SYPL1: variants seen among roughly 807,000 people sequenced by gnomAD.
The protein encoded by SYPL1 is synaptophysin like 1, also known as synaptophysin-like protein 1.
In SYPL1, 6 loss-of-function variants were observed where a neutral mutation model predicts 23.7. That is an observed-to-expected ratio of 0.25 (90% CI 0.14 to 0.50). The LOEUF is 0.50. Ranked by LOEUF, SYPL1 falls within the 20% of genes least tolerant of loss-of-function variation. The pLI is 0.98. For missense variants in SYPL1, 253 were observed against 288.9 expected (o/e 0.88, Z 0.90); for synonymous variants, 102 against 104.5 (o/e 0.98, Z 0.15).
chr7:106,108,698 G>T (rs1840747846), intron 1 of SYPL1, among the ~76,000 whole-genome samples: 1 of 152,114 alleles, frequency 6.6e-6, no homozygotes, highest in South Asian at 2.1e-4. Flanking sequence ...ATAGTTGGTT[G>T]AGCTTTCTTC....
chr7:106,097,079 G>T lies in SYPL1; in HGVS notation c.402+611C>A, dbSNP rs1840050939. ...AAATACACAAAAAGTAACTGAGTAT[G>T]GTGGCTTGTGACTGTAGTCCCAGCT... On this transcript the variant is annotated intron_variant, in intron 3 of 4. Transcript: ENST00000455385. The surrounding 1 kb of genome is among the most constrained non-coding windows in gnomAD (Gnocchi z 4.6). 6.6e-6 allele frequency among the ~76,000 whole-genome samples: 1 copy of T among 152,160 alleles called. No homozygotes were observed.
chr7:106,093,138 C>A lies in SYPL1; in HGVS notation c.403-1G>T. The A allele has an allele frequency of 6.3e-7, 1 of 1,589,484 alleles. No homozygotes were observed. Among genetic ancestry groups the A allele is most frequent in the Non-Finnish European group, 8.5e-7 (1 of 1,170,818 alleles). On this transcript the variant is annotated splice_acceptor_variant, in intron 3 of 4. Transcript: ENST00000455385. LOFTEE classifies it high-confidence loss of function. ...TGGCAACAAGTGTAACAACAAAGTCCTAAAGCAAAAATCAGTAAGAGTTAA... is the reference window on the plus strand; with the variant it reads ...TGGCAACAAGTGTAACAACAAAGTCATAAAGCAAAAATCAGTAAGAGTTAA...
intron 1 of SYPL1, among the ~76,000 whole-genome samples, chr7:106,101,483 G>A (rs1840319489): frequency 8.6e-6 from 1 of 115,608 alleles, no homozygotes; most frequent in African/African-American, 3.5e-5. Flanking sequence ...AAAGATACAT[G>A]AAAAGAATCT....
intron 1 of SYPL1, among the ~76,000 whole-genome samples, chr7:106,108,827 C>T (rs1789996103): frequency 1.3e-5 from 2 of 152,094 alleles, no homozygotes; most frequent in South Asian, 2.1e-4. Context: ...TCTGTGGACC[C>T]CTGAAAGCTC....
In SYPL1 at chr7:106,103,391, C is replaced by T. The variant is rs147108208; in HGVS notation, c.70-4109G>A. Among the ~76,000 whole-genome samples the T allele has an allele frequency of 2.6e-5, 4 of 152,268 alleles. No homozygotes were observed. The East Asian group carries it at 7.7e-4, about 29-fold the overall frequency. On this transcript the variant is annotated intron_variant, in intron 1 of 4. Transcript: ENST00000455385. ...CATTACACCTGCCACTATTTTTGTTCAGGCCCTCACCATTTTTCATTGGGA... is the reference window on the plus strand; with the variant it reads ...CATTACACCTGCCACTATTTTTGTTTAGGCCCTCACCATTTTTCATTGGGA...
At chr7:106,102,304 A>G (rs176495) in intron 1 of SYPL1, among the ~76,000 whole-genome samples, 149,859 of 152,308 alleles carry the variant, frequency 0.98, 73,725 homozygotes, top group East Asian at 1. Flanking sequence ...CCATGTTGGT[A>G]AGGCCAGTCT....
At chr7:106,107,923 G>A (rs890620809) in intron 1 of SYPL1, among the ~76,000 whole-genome samples, 1 of 151,716 alleles carries the variant, frequency 6.6e-6, no homozygotes, top group Non-Finnish European at 1.5e-5. Context: ...AGCCAGGCGC[G>A]GTGGCTCATG....
At chr7:106,105,085 T>C (rs1020763545) in intron 1 of SYPL1, among the ~76,000 whole-genome samples, 1 of 152,232 alleles carries the variant, frequency 6.6e-6, no homozygotes, top group Non-Finnish European at 1.5e-5. Context: ...ATGTCACTTA[T>C]GGCAGAGTAT....
In SYPL1 at chr7:106,097,760, C is replaced by T; in HGVS notation, c.332G>A (p.Cys111Tyr). ...VTFAVFVFLY[C>Y]IAALLLYVGY... is the part of the protein sequence containing the mutation. ...AACATAAAGCAGAAGGGCAGCAATG[C>T]AGTACAGGAACACAAAGACTGCAAA... Residue 111 changes from cysteine (C) to tyrosine (Y), a missense_variant, in exon 3 of 5, where the codon TGC becomes TAC. Physicochemically the swap from Cys to Tyr is radical, Grantham distance 194 (BLOSUM62 -2). Coordinates refer to ENST00000455385, the MANE Select transcript of SYPL1 (RefSeq NM_182715.4). This position sits in a 1 kb window ranked among gnomAD's most constrained non-coding sequence, Gnocchi z 4.6. 6.2e-7 allele frequency: 1 copy of T among 1,614,008 alleles called. No homozygotes were observed. Among genetic ancestry groups the T allele is most frequent in the Non-Finnish European group, 8.5e-7 (1 of 1,179,952 alleles).
At chr7:106,092,076 T>A in intron 4 of SYPL1, 137 bp from the exon 5 acceptor site, 1 of 790,038 alleles carries the variant, frequency 1.3e-6, no homozygotes, top group Non-Finnish European at 1.9e-6. Context: ...AGTTTAATAC[T>A]ACACACAATG....
chr7:106,105,958 C>A (rs1203163357), intron 1 of SYPL1, among the ~76,000 whole-genome samples: 1 of 152,116 alleles, frequency 6.6e-6, no homozygotes, highest in Non-Finnish European at 1.5e-5. Flanking sequence ...AGATTGGTAA[C>A]ACACACACTC....
In SYPL1 at chr7:106,095,688, T is replaced by A. The variant is rs1055290344; in HGVS notation, c.402+2002A>T. Among the ~76,000 whole-genome samples, 18 of 152,142 alleles carry A rather than the reference T, an allele frequency of 1.2e-4. No individual in the cohort carries two copies. The highest frequency in any genetic ancestry group is 2.2e-4 in the Non-Finnish European group (15 of 68,028). ...ATCTTTTAATATTTTTATGGTTACA[T>A]TAAAAATAGAACTGAAAATTAAATT... On this transcript the variant is annotated intron_variant, in intron 3 of 4. Transcript: ENST00000455385. This position sits in a 1 kb window ranked among gnomAD's most constrained non-coding sequence, Gnocchi z 4.3.
At chr7:106,098,490 A>C (rs1840143949) in intron 2 of SYPL1, among the ~76,000 whole-genome samples, 1 of 152,210 alleles carries the variant, frequency 6.6e-6, no homozygotes, top group African/African-American at 2.4e-5. Context: ...TTAATCATCA[A>C]AACAGCCTTA....
rs10281998 is a variant in SYPL1 at position 106,100,113 on chromosome 7, A to T, written c.70-831T>A. Among the ~76,000 whole-genome samples, 1 of 152,180 alleles carries T rather than the reference A, an allele frequency of 6.6e-6. No individual in the cohort carries two copies. The highest frequency in any genetic ancestry group is 2.4e-5 in the African/African-American group (1 of 41,412). Reference sequence around the variant, plus strand: ...AAGTTACCAGTAATTTGTAAAGCCAAGAGGTTGTCAGCAGAGAAGAGACAC... The same window carrying T: ...AAGTTACCAGTAATTTGTAAAGCCATGAGGTTGTCAGCAGAGAAGAGACAC... On this transcript the variant is annotated intron_variant, in intron 1 of 4. Coordinates refer to ENST00000455385, the MANE Select transcript of SYPL1 (RefSeq NM_182715.4). The surrounding 1 kb of genome is among the most constrained non-coding windows in gnomAD (Gnocchi z 5.1).
intron 1 of SYPL1, 79 bp from the exon 2 acceptor site, chr7:106,099,361 T>C: frequency 6.8e-6 from 10 of 1,468,716 alleles, no homozygotes. Flanking sequence ...TCACTAAAAC[T>C]GTAAGCACAC....
chr7:106,112,324 TCGGAGGCGGGCC>T (rs1790213182), upstream of SYPL1: 2 of 1,246,928 alleles, frequency 1.6e-6, no homozygotes, highest in South Asian at 5.6e-5. Flanking sequence ...CTGGCCGGGC[TCGGAGGCGGGCC>T]CGGGCGGCCG....
At chr7:106,094,677 G>A (rs997008070) in intron 3 of SYPL1, among the ~76,000 whole-genome samples, 6 of 152,106 alleles carry the variant, frequency 3.9e-5, no homozygotes, top group African/African-American at 1.4e-4. Context: ...GTAACATGAG[G>A]TTATATCGCA....
chr7:106,091,495 T>C lies in SYPL1; in HGVS notation c.*310A>G. ...AATATAACTGTTTTCTGAATGAAGATACATGTTAAGGCTTAAGGTGTAAAC... is the reference window on the plus strand; with the variant it reads ...AATATAACTGTTTTCTGAATGAAGACACATGTTAAGGCTTAAGGTGTAAAC... On this transcript the variant is annotated 3_prime_UTR_variant, in exon 5 of 5. Coordinates refer to ENST00000455385, the MANE Select transcript of SYPL1 (RefSeq NM_182715.4). The surrounding 1 kb of genome is among the most constrained non-coding windows in gnomAD (Gnocchi z 5.0). 4.4e-6 allele frequency: 1 copy of C among 225,780 alleles called. No individual in the cohort carries two copies. Among genetic ancestry groups the C allele is most frequent in the Non-Finnish European group, 8.7e-6 (1 of 114,438 alleles). The allele number at this position is 225,780 out of a possible 1,614,324, so 14.0% of individuals were successfully genotyped here.
chr7:106,108,677 C>T (rs962316992), intron 1 of SYPL1, among the ~76,000 whole-genome samples: 1 of 152,100 alleles, frequency 6.6e-6, no homozygotes, highest in Non-Finnish European at 1.5e-5. Context: ...CTATTTAAGT[C>T]GTAAATCCAG....
Sources: allele counts gnomAD v4.1 joint callset (sites outside exome capture counted in the v4.1 genomes callset), GRCh38; gene constraint gnomAD v4.1.1; non-coding constraint Gnocchi (gnomAD v3.1); transcripts MANE v1.5; gene names NCBI Gene and HGNC (gene_info 2026-07-23, HGNC 2026-07-21).